PDE6A: variants seen among roughly 807,000 people sequenced by gnomAD.
PDE6A encodes the protein phosphodiesterase 6A.
A neutral mutation model predicts 106.3 loss-of-function variants in PDE6A; 84 were observed. The ratio of observed to expected loss-of-function variants is 0.79; its 90% CI spans 0.66 to 0.95. PDE6A has a LOEUF of 0.95. Ranked by LOEUF, PDE6A falls within the 40% of genes least tolerant of loss-of-function variation. The pLI is 0.00. For synonymous variants in PDE6A, 394 were observed against 386.6 expected (o/e 1.02, Z -0.23); for missense variants, 1,052 against 1,084.9 (o/e 0.97, Z 0.43).
chr5:149,920,942 A>AAAAGAAAGAGAAAGAAAG (rs1554091217), intron 5 of PDE6A, among the ~76,000 whole-genome samples: 3 of 108,350 alleles, frequency 2.8e-5, no homozygotes, highest in South Asian at 3.3e-4. Context: ...GAAAGAGAGA[A>AAAAGAAAGAGAAAGAAAG]AAAGAAAGAA....
chr5:149,893,662 A>G (rs542794464), intron 13 of PDE6A, among the ~76,000 whole-genome samples: 1 of 152,274 alleles, frequency 6.6e-6, no homozygotes, highest in African/African-American at 2.4e-5. Context: ...CTATGAAGGG[A>G]CTACAAAAAA....
chr5:149,880,582 G>A (rs762004102), intron 17 of PDE6A, among the ~76,000 whole-genome samples: 11 of 151,700 alleles, frequency 7.3e-5, no homozygotes, highest in African/African-American at 1.5e-4. Context: ...GCATGGTGTC[G>A]CATGCCTGTA....
At chr5:149,929,432 C>T (rs1753959531) in intron 4 of PDE6A, among the ~76,000 whole-genome samples, 2 of 151,994 alleles carry the variant, frequency 1.3e-5, no homozygotes, top group South Asian at 2.1e-4. Context: ...CAGTGAAACC[C>T]CGTCTCTACT....
intron 13 of PDE6A, among the ~76,000 whole-genome samples, chr5:149,888,631 GA>G (rs1752411283): frequency 6.6e-6 from 1 of 151,676 alleles, no homozygotes; most frequent in African/African-American, 2.4e-5. Context: ...TGTTAAGGGT[GA>G]AAAGAGAAAC....
chr5:149,890,683 T>C (rs1752512879), intron 13 of PDE6A, among the ~76,000 whole-genome samples: 1 of 152,202 alleles, frequency 6.6e-6, no homozygotes, highest in Non-Finnish European at 1.5e-5. Flanking sequence ...TTTTTCACTC[T>C]GCTACTTTCC....
Position 149,896,728 on chromosome 5 carries a change from C to A in PDE6A, c.1456G>T (p.Glu486Ter). The A allele has an allele frequency of 6.2e-7, 1 of 1,614,190 alleles. No individual in the cohort carries two copies. The highest frequency in any genetic ancestry group is 2.2e-5 in the East Asian group (1 of 44,890). Residue 486 changes from glutamate (E) to a stop codon, truncating the protein, a stop_gained, in exon 11 of 22, where the codon GAG becomes TAG. Transcript: ENST00000255266. LOFTEE classifies it high-confidence loss of function. ...CAGCTCACCAGGATCTCAGCCAGCT[C>A]CTCTTCCTCACACTCCCATGGCTCC... ...GKEPWECEEEELAEILQAELP... is the reference protein window; with the variant it reads ...GKEPWECEEE
rs774009419 is a variant in PDE6A at position 149,896,511 on chromosome 5, G to A, written c.1474-9C>T. The A allele has an allele frequency of 1.2e-6, 2 of 1,614,044 alleles. No homozygotes were observed. The highest frequency in any genetic ancestry group is 2.2e-5 in the South Asian group (2 of 91,068). On this transcript the variant is annotated splice_polypyrimidine_tract_variant and intron_variant, in intron 11 of 21. Transcript: ENST00000255266. ...TCTGGCAGCTCCGCTTGCTGTATAA[G>A]GAATAGAGTCAGGTGATTAGGAAAC...
At chr5:149,865,401 C>T (rs1453081295) in intron 20 of PDE6A, among the ~76,000 whole-genome samples, 2 of 133,844 alleles carry the variant, frequency 1.5e-5, no homozygotes, top group East Asian at 2.0e-4. Context: ...CAGAATGAGA[C>T]CTGTCTCAAA....
At chr5:149,908,508 G>A (rs1191611236) in intron 6 of PDE6A, among the ~76,000 whole-genome samples, 2 of 152,138 alleles carry the variant, frequency 1.3e-5, no homozygotes, top group East Asian at 3.8e-4. Flanking sequence ...AGTCCTTGTG[G>A]TGAGGTCTAG....
At chr5:149,926,243 G>GA (rs1304193303) in intron 4 of PDE6A, among the ~76,000 whole-genome samples, 2 of 149,914 alleles carry the variant, frequency 1.3e-5, no homozygotes, top group South Asian at 2.1e-4. Flanking sequence ...TATCTGTCTT[G>GA]AAAAAAAAAT....
Position 149,914,929 on chromosome 5 carries a change from C to T in PDE6A, c.998+14G>A, listed in dbSNP as rs1753504806. 5 of 1,579,262 alleles carry T rather than the reference C, an allele frequency of 3.2e-6. No homozygotes were observed. Among genetic ancestry groups the T allele is most frequent in the Non-Finnish European group, 4.4e-6 (5 of 1,149,062 alleles). Reference sequence around the variant, plus strand: ...AATTTGTTGTCATTTTGTCTTTTGACAGGTGAAACTTACGGGATGACTTTG... The same window carrying T: ...AATTTGTTGTCATTTTGTCTTTTGATAGGTGAAACTTACGGGATGACTTTG... On this transcript the variant is annotated intron_variant, in intron 6 of 21. Coordinates refer to ENST00000255266, the MANE Select transcript of PDE6A (RefSeq NM_000440.3).
chr5:149,929,233 GAATA>G (rs1753954948), intron 4 of PDE6A, among the ~76,000 whole-genome samples: 2 of 152,246 alleles, frequency 1.3e-5, no homozygotes, highest in South Asian at 4.1e-4. Context: ...CAGTGGAAAT[GAATA>G]AATACACTGT....
chr5:149,900,834 A>G (rs1373477193), intron 8 of PDE6A, among the ~76,000 whole-genome samples: 1 of 152,150 alleles, frequency 6.6e-6, no homozygotes, highest in Non-Finnish European at 1.5e-5. Flanking sequence ...TCTGAAGGCC[A>G]TGATAAAAAG....
At position 149,879,635 on chromosome 5, in the gene PDE6A, C is replaced by T. The variant is rs948418822; in HGVS notation, c.2135+3794G>A. 7.4e-5 allele frequency among the ~76,000 whole-genome samples: 10 copies of T among 135,706 alleles called. No individual in the cohort carries two copies. In the South Asian group the frequency reaches 1.9e-3, roughly 25 times the overall value. The allele number at this position is 135,706 out of a possible 152,430, so 89.0% of individuals were successfully genotyped here. On this transcript the variant is annotated intron_variant, in intron 17 of 21. Transcript: ENST00000255266. ...ATTCCCCTTCCTGTGTCCATGTGAT[C>T]TCATTGTTCAATTCCCACCTATGAG...
chr5:149,869,829 G>C (rs1760470953), intron 17 of PDE6A, among the ~76,000 whole-genome samples: 1 of 152,176 alleles, frequency 6.6e-6, no homozygotes, highest in East Asian at 1.9e-4. Context: ...TGAGACCAAT[G>C]GGCAGGAACT....
At chr5:149,885,167 G>T (rs1752244370) in intron 14 of PDE6A, among the ~76,000 whole-genome samples, 2 of 152,200 alleles carry the variant, frequency 1.3e-5, no homozygotes, top group African/African-American at 4.8e-5. Flanking sequence ...CGCAAGCCGT[G>T]TATTTATTCA....
chr5:149,940,566 C>A (rs529231992), intron 1 of PDE6A, among the ~76,000 whole-genome samples: 1 of 148,400 alleles, frequency 6.7e-6, no homozygotes, highest in African/African-American at 2.5e-5. Flanking sequence ...GGTGCGGTCT[C>A]GGCTCACTGC....
At chr5:149,906,532 A>AAAAAAAAAAAAAAAAAAAAAAAAAAAAAC in intron 7 of PDE6A, among the ~76,000 whole-genome samples, 1 of 148,894 alleles carries the variant, frequency 6.7e-6, no homozygotes. Flanking sequence ...AAAAAAAAAA[A>AAAAAAAAAAAAAAAAAAAAAAAAAAAAAC]AAAAAATCCC....
intron 3 of PDE6A, 58 bp from the exon 4 acceptor site, chr5:149,931,226 A>G: frequency 1.3e-6 from 2 of 1,504,210 alleles, no homozygotes; most frequent in Non-Finnish European, 1.9e-6. Context: ...TAGCTCACTT[A>G]GCTGGAGAAT....
Sources: allele counts gnomAD v4.1 joint callset (sites outside exome capture counted in the v4.1 genomes callset), GRCh38; gene constraint gnomAD v4.1.1; transcripts MANE v1.5; gene names NCBI Gene and HGNC (gene_info 2026-07-23, HGNC 2026-07-21).